Variants in DNAH8 observed in about 807,000 individuals in gnomAD.
DNAH8 encodes the protein dynein axonemal heavy chain 8, also known as axonemal beta dynein heavy chain 8.
Under a neutral mutation model 562.1 loss-of-function variants are expected in DNAH8, and 382 were observed. The ratio of observed to expected loss-of-function variants is 0.68; its 90% CI spans 0.63 to 0.74. The LOEUF (loss-of-function observed/expected upper bound fraction) is 0.74, where lower values mean the gene tolerates loss of function less well. Among genes scored for constraint, DNAH8 ranks in the 30% least tolerant of loss-of-function variants. The pLI is 0.00. For synonymous variants in DNAH8, 1,881 were observed against 1,919.4 expected, an observed-to-expected ratio of 0.98 and a Z score of 0.52; for missense variants, 5,203 against 5,620.4, an observed-to-expected ratio of 0.93 and a Z score of 2.37.
At chr6:38,963,134 A>T (rs1762721782) in intron 82 of DNAH8, among the ~76,000 whole-genome samples, 1 of 152,152 alleles carries the variant, frequency 6.6e-6, no homozygotes, top group South Asian at 2.1e-4. Flanking sequence ...AAATAAAAAA[A>T]ATCTGTATGT....
intron 37 of DNAH8, among the ~76,000 whole-genome samples, chr6:38,849,120 C>G (rs1170071162): frequency 6.6e-6 from 1 of 152,090 alleles, no homozygotes; most frequent in African/African-American, 2.4e-5. Flanking sequence ...GTGCTGACCT[C>G]TGATTAGCAG....
In DNAH8 at chr6:38,805,609, G is replaced by A. The variant is rs373316823; in HGVS notation, c.3150+13G>A. ...TGAATTTAAAAAGGTATTTATTGTG[G>A]AACAACTTCATGCAATTCACAGAAT... On this transcript the variant is annotated intron_variant, in intron 23 of 92. Transcript: ENST00000327475. 225 of 1,401,382 alleles carry A rather than the reference G, an allele frequency of 1.6e-4. 1 individual carries two copies. In the South Asian group the frequency reaches 1.9e-3, roughly 12 times the overall value. 86.8% of individuals were successfully genotyped at this position (1,401,382 alleles called of 1,614,324 possible).
intron 82 of DNAH8, among the ~76,000 whole-genome samples, chr6:38,966,379 G>A (rs1023888443): frequency 1.3e-5 from 2 of 152,162 alleles, no homozygotes; most frequent in South Asian, 4.1e-4. Flanking sequence ...CTTAGTCCCA[G>A]ATGGCTTCAT....
rs1583506337 is a variant in DNAH8, at chr6:38,984,257, G to A, written c.13003G>A (p.Gly4335Ser). ...CATGATCGGAGAAGTACAATATGGAGGCAGAGTGACAGATGACTTTGACAA... is the reference window on the plus strand; with the variant it reads ...CATGATCGGAGAAGTACAATATGGAAGCAGAGTGACAGATGACTTTGACAA... ...RYMIGEVQYG[G>S]RVTDDFDKRL... Residue 4335 changes from glycine to serine, a missense_variant, in exon 87 of 93, where the codon GGC becomes AGC. By Grantham distance (56) the Gly-to-Ser change is moderately conservative (BLOSUM62 0). Transcript: ENST00000327475. 3 of 1,611,308 alleles carry A rather than the reference G, an allele frequency of 1.9e-6. No homozygotes were observed. Among genetic ancestry groups the A allele is most frequent in the Middle Eastern group, 1.7e-4 (1 of 6,060 alleles).
chr6:39,003,843 A>G (rs1408108653), intron 88 of DNAH8, among the ~76,000 whole-genome samples: 3 of 152,238 alleles, frequency 2.0e-5, no homozygotes, highest in African/African-American at 4.8e-5. Context: ...TTGAATAAAT[A>G]CAAAAGAATA....
Position 38,935,665 on chromosome 6 carries a change from A to G in DNAH8, c.11531A>G (p.Asp3844Gly). The G allele has an allele frequency of 6.2e-7, 1 of 1,612,934 alleles. No homozygotes were observed. Among genetic ancestry groups the G allele is most frequent in the East Asian group, 2.2e-5 (1 of 44,784 alleles). The change falls in exon 77 of 93, where the codon GAT (aspartate) becomes GGT (glycine). Residue 3844 changes from aspartate (D) to glycine (G), a missense_variant. Transcript: ENST00000327475. ...FNKRKMKELE[D>G]NLLYKLSATK... is the part of the protein sequence containing the mutation. ...AAGCGGAAGATGAAAGAACTTGAAG[A>G]TAACCTCCTCTATAAATTAAGTGCT...
At chr6:38,914,392 C>CTTTTTTTTTTT in intron 67 of DNAH8, among the ~76,000 whole-genome samples, 1 of 63,990 alleles carries the variant, frequency 1.6e-5, no homozygotes, top group Non-Finnish European at 2.7e-5. Context: ...TGCTTTTTCT[C>CTTTTTTTTTTT]TTTTTTTTTT....
intron 37 of DNAH8, 48 bp downstream of exon 37, chr6:38,848,849 G>T (rs201341718): frequency 7.7e-6 from 12 of 1,564,332 alleles, no homozygotes; most frequent in South Asian, 1.1e-5. Context: ...GGTGTATGTT[G>T]TCTATATGTC....
At chr6:38,945,436 C>T in intron 79 of DNAH8, 31 bp from the exon 80 acceptor site, 1 of 1,612,560 alleles carries the variant, frequency 6.2e-7, no homozygotes, top group East Asian at 2.2e-5. Context: ...ACAGGCTTAC[C>T]CAATTCACCC....
intron 81 of DNAH8, among the ~76,000 whole-genome samples, chr6:38,950,189 C>CGTGTGTGTGTGT (rs10546857): frequency 1.7e-4 from 25 of 144,018 alleles, no homozygotes; most frequent in African/African-American, 3.4e-4. Flanking sequence ...TGTGTGTCTG[C>CGTGTGTGTGTGT]GTGTGTGTGT....
At chr6:38,986,414 T>A (rs556497281) in intron 87 of DNAH8, among the ~76,000 whole-genome samples, 5 of 152,296 alleles carry the variant, frequency 3.3e-5, no homozygotes, top group Admixed American at 2.6e-4. Flanking sequence ...CTAGGACATA[T>A]ATCAAGTACA....
At chr6:38,946,814 GAA>G (rs34693364) in intron 80 of DNAH8, among the ~76,000 whole-genome samples, 1 of 150,390 alleles carries the variant, frequency 6.6e-6, no homozygotes, top group African/African-American at 2.4e-5. Context: ...TGTCTTGGGG[GAA>G]AAAAAAAGAA....
intron 41 of DNAH8, among the ~76,000 whole-genome samples, chr6:38,855,936 C>A (rs1003023493): frequency 1.3e-5 from 2 of 152,118 alleles, no homozygotes; most frequent in African/African-American, 2.4e-5. Context: ...CAAGGTTGTG[C>A]GCTGCTTATG....
intron 41 of DNAH8, among the ~76,000 whole-genome samples, chr6:38,856,726 CT>C (rs1348210581): frequency 6.6e-6 from 1 of 152,122 alleles, no homozygotes; most frequent in African/African-American, 2.4e-5. Flanking sequence ...GGGTTTTATT[CT>C]TTCTTTTCTC....
At chr6:38,867,270 A>G (rs1262447795) in intron 47 of DNAH8, among the ~76,000 whole-genome samples, 1 of 141,266 alleles carries the variant, frequency 7.1e-6, no homozygotes, top group Non-Finnish European at 1.5e-5. Flanking sequence ...GTTGTATGGA[A>G]TATGTAAGAT....
chr6:39,006,200 C>A (rs564056048), intron 88 of DNAH8, among the ~76,000 whole-genome samples: 22 of 152,244 alleles, frequency 1.4e-4, no homozygotes, highest in East Asian at 3.8e-4. Flanking sequence ...TATTTAGCAC[C>A]TACAGAACTG....
At position 38,945,573 on chromosome 6, in the gene DNAH8, A is replaced by T. The variant is rs749771031; in HGVS notation, c.12114A>T (p.Ala4038=). The change falls in exon 80 of 93, where the codon GCA becomes GCT. Residue 4038 remains alanine, a synonymous_variant. Transcript: ENST00000327475. ...LVELSKLPQF[A]EIMNQISRNE... ...AGCTGAGTAAACTTCCACAATTTGC[A>T]GAAATTATGAACCAGGTAATACAAT... 3 of 1,614,118 alleles carry T rather than the reference A, an allele frequency of 1.9e-6. No homozygotes were observed. The Admixed American group carries it at 5.0e-5, about 27-fold the overall frequency.
At chr6:38,923,032 G>C in intron 71 of DNAH8, 26 bp from the exon 72 acceptor site, 1 of 1,595,266 alleles carries the variant, frequency 6.3e-7, no homozygotes, top group Middle Eastern at 1.7e-4. Flanking sequence ...AAAGTTTTTT[G>C]AGACATTCTC....
chr6:38,924,117 C>T lies in DNAH8; in HGVS notation c.10917C>T (p.Phe3639=). 6.2e-7 allele frequency: 1 copy of T among 1,613,968 alleles called. No homozygotes were observed. The highest frequency in any genetic ancestry group is 1.1e-5 in the South Asian group (1 of 91,080). The stretch of plus-strand genomic sequence containing the variant: ...AGTTGAGAGCACGGAAAATTCCTTT[C>T]ACAGAAAACCTGAATCTTATTTCAA... ...EMELRARKIP[F]TENLNLISML... is the part of the protein sequence containing the mutation. Residue 3639 remains phenylalanine (F), a synonymous_variant, in exon 73 of 93, where the codon TTC becomes TTT. Coordinates refer to ENST00000327475, the MANE Select transcript of DNAH8 (RefSeq NM_001206927.2).
Sources: allele counts gnomAD v4.1 joint callset (sites outside exome capture counted in the v4.1 genomes callset), GRCh38; gene constraint gnomAD v4.1.1; transcripts MANE v1.5; gene names NCBI Gene and HGNC (gene_info 2026-07-23, HGNC 2026-07-21).